Variants in SNTB1 observed in about 807,000 individuals in gnomAD.
The protein encoded by SNTB1 is beta-1-syntrophin.
In SNTB1, 36 loss-of-function variants were observed where a neutral mutation model predicts 48.9. The observed-to-expected ratio is 0.74, with a 90% confidence interval of 0.56 to 0.97. The LOEUF (loss-of-function observed/expected upper bound fraction) is 0.97. Among genes scored for constraint, SNTB1 ranks in the 50% least tolerant of loss-of-function variants. SNTB1 has a pLI of 0.00. For synonymous variants in SNTB1, 299 were observed against 294.6 expected, an observed-to-expected ratio of 1.01 and a Z score of -0.15; for missense variants, 786 against 703.4, an observed-to-expected ratio of 1.12 and a Z score of -1.33.
intron 1 of SNTB1, among the ~76,000 whole-genome samples, chr8:120,769,994 A>T (rs532118706): frequency 5.7e-4 from 87 of 152,310 alleles, no homozygotes; most frequent in African/African-American, 2.1e-3. Context: ...CTTAGCTCAG[A>T]GTTCTCTCTG....
At position 120,569,014 on chromosome 8, in the gene SNTB1, C is replaced by T. The variant is rs1322962889; in HGVS notation, c.1136+6072G>A. Among the ~76,000 whole-genome samples, 4 of 152,182 alleles carry T rather than the reference C, an allele frequency of 2.6e-5. No homozygotes were observed. The East Asian group carries it at 7.7e-4, about 29-fold the overall frequency. ...TGTTTGTTTTTGAGATAGAGTCTTG[C>T]TCTGTTGCCCAGGCTGGAGTGCAGT... On this transcript the variant is annotated intron_variant, in intron 4 of 6. Coordinates refer to ENST00000517992, the MANE Select transcript of SNTB1 (RefSeq NM_021021.4).
intron 1 of SNTB1, among the ~76,000 whole-genome samples, chr8:120,702,630 G>A (rs866270582): frequency 3.3e-5 from 5 of 151,650 alleles, no homozygotes; most frequent in African/African-American, 1.2e-4. Context: ...CATAAACATC[G>A]TGATGATGGC....
Position 120,764,504 on chromosome 8 carries a change from A to C in SNTB1, c.571+46769T>G, listed in dbSNP as rs554567858. On this transcript the variant is annotated intron_variant, in intron 1 of 6. Coordinates refer to ENST00000517992, the MANE Select transcript of SNTB1 (RefSeq NM_021021.4). ...ACAGGGGCTGAATAACTGAGAGCCAAGGGTGAAGAAAAAATTACTTTTTAG... is the reference window on the plus strand; with the variant it reads ...ACAGGGGCTGAATAACTGAGAGCCACGGGTGAAGAAAAAATTACTTTTTAG... Among the ~76,000 whole-genome samples, 8 of 152,362 alleles carry C rather than the reference A, an allele frequency of 5.3e-5. No individual in the cohort carries two copies. The East Asian group carries it at 1.5e-3, about 29-fold the overall frequency.
chr8:120,652,947 C>G (rs1244374554), intron 2 of SNTB1, among the ~76,000 whole-genome samples: 2 of 152,104 alleles, frequency 1.3e-5, no homozygotes, highest in Admixed American at 1.3e-4. Flanking sequence ...AACAGAAAAT[C>G]CCAGTAAATC....
chr8:120,775,721 A>G, intron 1 of SNTB1, among the ~76,000 whole-genome samples: 1 of 142,556 alleles, frequency 7.0e-6, no homozygotes, highest in African/African-American at 2.8e-5. Flanking sequence ...GAAGGAAGGA[A>G]GGAAGGAAGG....
rs1820445546 is a variant in SNTB1 at position 120,811,894 on chromosome 8, G to C, written c.-51C>G. 7.7e-7 allele frequency: 1 copy of C among 1,299,124 alleles called. No homozygotes were observed. Among genetic ancestry groups the C allele is most frequent in the East Asian group, 3.2e-5 (1 of 31,584 alleles). The allele number at this position is 1,299,124 out of a possible 1,614,324, so 80.5% of individuals were successfully genotyped here. On this transcript the variant is annotated 5_prime_UTR_variant, in exon 1 of 7. Coordinates refer to ENST00000517992, the MANE Select transcript of SNTB1 (RefSeq NM_021021.4). Reference sequence around the variant, plus strand: ...GTGATTGGAAAAGGGGGGAAAAGTGGGGAAGGGTGGCCGGGGGGAGGACGC... The same window carrying C: ...GTGATTGGAAAAGGGGGGAAAAGTGCGGAAGGGTGGCCGGGGGGAGGACGC...
At chr8:120,729,745 C>A (rs1818820866) in intron 1 of SNTB1, among the ~76,000 whole-genome samples, 1 of 152,228 alleles carries the variant, frequency 6.6e-6, no homozygotes, top group Non-Finnish European at 1.5e-5. Context: ...TTCAGAGCAG[C>A]TGATAGAGCA....
At chr8:120,666,559 G>A (rs1312057476) in intron 2 of SNTB1, among the ~76,000 whole-genome samples, 2 of 152,030 alleles carry the variant, frequency 1.3e-5, no homozygotes, top group Non-Finnish European at 2.9e-5. Flanking sequence ...TGATTACAAT[G>A]TACTTTGGTG....
At chr8:120,686,241 G>A (rs369505586) in intron 2 of SNTB1, among the ~76,000 whole-genome samples, 49 of 152,240 alleles carry the variant, frequency 3.2e-4, no homozygotes, top group African/African-American at 1.1e-3. Flanking sequence ...ATTTGCTATA[G>A]CAACACCCCA....
intron 1 of SNTB1, among the ~76,000 whole-genome samples, chr8:120,744,260 A>C: frequency 6.6e-6 from 1 of 152,124 alleles, no homozygotes; most frequent in East Asian, 1.9e-4. Context: ...GTACATCTAC[A>C]TCTCTTACTC....
intron 1 of SNTB1, among the ~76,000 whole-genome samples, chr8:120,734,172 G>A (rs1432818179): frequency 1.3e-5 from 2 of 152,184 alleles, no homozygotes; most frequent in African/African-American, 4.8e-5. Context: ...GGCCAGGCGC[G>A]ATGGTTCATG....
chr8:120,672,321 A>C (rs985305841), intron 2 of SNTB1, among the ~76,000 whole-genome samples: 1 of 152,214 alleles, frequency 6.6e-6, no homozygotes, highest in Admixed American at 6.5e-5. Context: ...AAATCATGAA[A>C]TATTTTAAAG....
intron 3 of SNTB1, among the ~76,000 whole-genome samples, chr8:120,601,761 G>T (rs2130719740): frequency 6.6e-6 from 1 of 152,318 alleles, no homozygotes; most frequent in Middle Eastern, 3.4e-3. Context: ...CTTGGTTGCA[G>T]GTTAATGAAA....
chr8:120,783,833 A>AATTTTATAT (rs1819871122), intron 1 of SNTB1, among the ~76,000 whole-genome samples: 2 of 152,238 alleles, frequency 1.3e-5, no homozygotes, highest in Non-Finnish European at 1.5e-5. Flanking sequence ...TTTTTTTACC[A>AATTTTATAT]ATAAAATTAT....
At chr8:120,772,398 A>G (rs1012547348) in intron 1 of SNTB1, among the ~76,000 whole-genome samples, 1 of 151,330 alleles carries the variant, frequency 6.6e-6, no homozygotes, top group Admixed American at 6.6e-5. Context: ...GGTGCGCACC[A>G]CCACACCCAG....
At chr8:120,720,934 A>C (rs1818649411) in intron 1 of SNTB1, among the ~76,000 whole-genome samples, 1 of 152,230 alleles carries the variant, frequency 6.6e-6, no homozygotes, top group African/African-American at 2.4e-5. Context: ...TGCTAAGCTT[A>C]GGCACCAGCT....
At chr8:120,674,134 A>G (rs1247878114) in intron 2 of SNTB1, among the ~76,000 whole-genome samples, 1 of 152,226 alleles carries the variant, frequency 6.6e-6, no homozygotes, top group East Asian at 1.9e-4. Flanking sequence ...CCAAGGCACC[A>G]TTAAAAAATC....
At chr8:120,658,904 T>C (rs192137797) in intron 2 of SNTB1, among the ~76,000 whole-genome samples, 1 of 152,296 alleles carries the variant, frequency 6.6e-6, no homozygotes, top group Non-Finnish European at 1.5e-5. Flanking sequence ...TTTATCAAAA[T>C]TGGAGTCAAT....
chr8:120,612,458 A>T (rs1372637938), intron 3 of SNTB1, among the ~76,000 whole-genome samples: 1 of 152,152 alleles, frequency 6.6e-6, no homozygotes, highest in Non-Finnish European at 1.5e-5. Context: ...TAGGCATCGG[A>T]ATCTCCTGGG....
Sources: allele counts gnomAD v4.1 joint callset (sites outside exome capture counted in the v4.1 genomes callset), GRCh38; gene constraint gnomAD v4.1.1; transcripts MANE v1.5; gene names NCBI Gene and HGNC (gene_info 2026-07-23, HGNC 2026-07-21).